The following FGF14 variants were observed in gnomAD, a reference collection of about 807,000 sequenced individuals.
FGF14 encodes fibroblast growth factor homologous factor 4.
FGF14 carries 5 observed loss-of-function variants against 25.5 expected under a neutral mutation model. The observed-to-expected ratio is 0.20, with a 90% CI of 0.10 to 0.41. FGF14 has a LOEUF of 0.41. Among genes scored for constraint, FGF14 ranks in the 10% least tolerant of loss-of-function variants. The pLI, the probability that FGF14 is intolerant of heterozygous loss-of-function variation, is 1.00. For missense variants in FGF14, 222 were observed against 320.1 expected, an observed-to-expected ratio of 0.69 and a Z score of 2.34; for synonymous variants, 138 against 118.3, an observed-to-expected ratio of 1.17 and a Z score of -1.08.
intron 1 of FGF14, among the ~76,000 whole-genome samples, chr13:102,365,475 T>C (rs1404476509): frequency 6.6e-6 from 1 of 152,238 alleles, no homozygotes; most frequent in Admixed American, 6.5e-5. Context: ...GCCACCCCTC[T>C]GGATTCTACT....
rs139938202 is a variant in FGF14 at position 102,066,361 on chromosome 13, A to G, written c.209-191065T>C. Among the ~76,000 whole-genome samples the G allele has an allele frequency of 5.9e-5, 9 of 152,314 alleles. No homozygotes were observed. In the East Asian group the frequency reaches 9.6e-4, roughly 16 times the overall value. On this transcript the variant is annotated intron_variant, in intron 1 of 4. Coordinates refer to the FGF14 transcript ENST00000376131. ...AAAGCTATTGCTTTCCTGACATCTAATTTGCATCAGGTTCTTAATTTTCAA... is the reference window on the plus strand; with the variant it reads ...AAAGCTATTGCTTTCCTGACATCTAGTTTGCATCAGGTTCTTAATTTTCAA...
At chr13:101,822,568 C>T (rs2042209353) in intron 3 of FGF14, among the ~76,000 whole-genome samples, 1 of 150,828 alleles carries the variant, frequency 6.6e-6, no homozygotes, top group South Asian at 2.1e-4. Context: ...AGAGATATAA[C>T]ATCTTAACAG....
chr13:101,940,662 G>C (rs1416851358), intron 1 of FGF14, among the ~76,000 whole-genome samples: 1 of 152,102 alleles, frequency 6.6e-6, no homozygotes, highest in Non-Finnish European at 1.5e-5. Flanking sequence ...GCACTCTTTA[G>C]ACCTCACCTA....
At chr13:101,779,538 A>G (rs1162400812) in intron 3 of FGF14, among the ~76,000 whole-genome samples, 1 of 152,180 alleles carries the variant, frequency 6.6e-6, no homozygotes, top group Non-Finnish European at 1.5e-5. Flanking sequence ...TTTACATAAA[A>G]CCATTATGTG....
chr13:101,742,343 C>T (rs2036608911), intron 3 of FGF14, among the ~76,000 whole-genome samples: 1 of 152,074 alleles, frequency 6.6e-6, no homozygotes, highest in Admixed American at 6.6e-5. Flanking sequence ...AATGCTGTTA[C>T]ATTAAAGTCA....
intron 1 of FGF14, among the ~76,000 whole-genome samples, chr13:102,241,033 A>G (rs1443784132): frequency 1.3e-5 from 2 of 152,142 alleles, no homozygotes; most frequent in Admixed American, 6.6e-5. Flanking sequence ...GCAAATGTCA[A>G]ATTAACATGA....
intron 1 of FGF14, among the ~76,000 whole-genome samples, chr13:102,238,862 T>C (rs1401048605): frequency 6.6e-6 from 1 of 152,176 alleles, no homozygotes; most frequent in African/African-American, 2.4e-5. Context: ...ATGTGTCTGG[T>C]TCATGTGTCT....
At chr13:102,383,198 A>G (rs2058225384) in intron 1 of FGF14, among the ~76,000 whole-genome samples, 1 of 148,328 alleles carries the variant, frequency 6.7e-6, no homozygotes, top group African/African-American at 2.6e-5. Flanking sequence ...GATCAATTAT[A>G]CCAATTATTT....
intron 1 of FGF14, among the ~76,000 whole-genome samples, chr13:101,912,222 C>T (rs940204925): frequency 6.6e-6 from 1 of 152,014 alleles, no homozygotes; most frequent in Non-Finnish European, 1.5e-5. Flanking sequence ...TTTTAAGTAC[C>T]TCACTTTCCA....
chr13:101,997,920 A>G (rs960622159), intron 1 of FGF14, among the ~76,000 whole-genome samples: 1 of 152,190 alleles, frequency 6.6e-6, no homozygotes, highest in African/African-American at 2.4e-5. Context: ...ACATGATGTT[A>G]TGGGATACCT....
chr13:102,211,656 G>T (rs1387713517), intron 1 of FGF14, among the ~76,000 whole-genome samples: 3 of 152,116 alleles, frequency 2.0e-5, no homozygotes, highest in Non-Finnish European at 4.4e-5. Flanking sequence ...CCAGAGAAAG[G>T]GCTGGCTCTC....
At chr13:101,886,190 G>C (rs529014203) in intron 1 of FGF14, among the ~76,000 whole-genome samples, 1 of 152,254 alleles carries the variant, frequency 6.6e-6, no homozygotes, top group African/African-American at 2.4e-5. Context: ...TAATTTATAT[G>C]ATGTCACTGG....
At chr13:101,755,755 A>C (rs2037605774) in intron 3 of FGF14, among the ~76,000 whole-genome samples, 1 of 152,186 alleles carries the variant, frequency 6.6e-6, no homozygotes, top group Non-Finnish European at 1.5e-5. Context: ...TCATGAAGTA[A>C]TTGAATTGCA....
chr13:101,786,192 T>C (rs2039814637), intron 3 of FGF14, among the ~76,000 whole-genome samples: 1 of 152,144 alleles, frequency 6.6e-6, no homozygotes, highest in South Asian at 2.1e-4. Context: ...CCTCCCAGAA[T>C]TCTAAGAGAA....
At chr13:101,740,174 G>A (rs2036451070) in intron 3 of FGF14, among the ~76,000 whole-genome samples, 1 of 152,198 alleles carries the variant, frequency 6.6e-6, no homozygotes, top group Admixed American at 6.5e-5. Context: ...TGAGGCAGTA[G>A]CTTGCCGATG....
At chr13:101,880,209 C>A (rs1196904250) in intron 1 of FGF14, among the ~76,000 whole-genome samples, 1 of 152,140 alleles carries the variant, frequency 6.6e-6, no homozygotes, top group Non-Finnish European at 1.5e-5. Flanking sequence ...GCTAGAATAG[C>A]TCTCCACCAC....
intron 1 of FGF14, among the ~76,000 whole-genome samples, chr13:102,301,568 G>A (rs556636497): frequency 1.3e-5 from 2 of 152,156 alleles, no homozygotes; most frequent in South Asian, 4.2e-4. Flanking sequence ...TGACTTCTGA[G>A]CTTCTGTCCT....
At chr13:101,910,892 G>T (rs957102076) in intron 1 of FGF14, among the ~76,000 whole-genome samples, 1 of 128,900 alleles carries the variant, frequency 7.8e-6, no homozygotes, top group Non-Finnish European at 1.6e-5. Context: ...GTGTGTGTGT[G>T]TTTTAGTTGT....
intron 1 of FGF14, among the ~76,000 whole-genome samples, chr13:102,123,280 C>T (rs1487928956): frequency 6.6e-6 from 1 of 152,080 alleles, no homozygotes; most frequent in Non-Finnish European, 1.5e-5. Flanking sequence ...GAAGAAGCTA[C>T]ATTTTCTTTT....
Sources: allele counts gnomAD v4.1 joint callset (sites outside exome capture counted in the v4.1 genomes callset), GRCh38; gene constraint gnomAD v4.1.1; transcripts MANE v1.5; gene names NCBI Gene and HGNC (gene_info 2026-07-23, HGNC 2026-07-21).